LRRIQ4: variants seen among roughly 807,000 people sequenced by gnomAD.
The protein encoded by LRRIQ4 is leucine rich repeats and IQ motif containing 4, also known as leucine-rich repeat and IQ domain-containing protein 4.
LRRIQ4 carries 21 observed loss-of-function variants against 40.1 expected under a neutral mutation model. The observed-to-expected ratio is 0.52, with a 90% CI of 0.37 to 0.75. LRRIQ4 has a LOEUF of 0.75. Ranked by LOEUF, LRRIQ4 falls within the 30% of genes least tolerant of loss-of-function variation. LRRIQ4 has a pLI of 0.00. For synonymous variants in LRRIQ4, 277 were observed against 277.1 expected (o/e 1.00, Z 0.00); for missense variants, 655 against 660.0 (o/e 0.99, Z 0.08).
intron 4 of LRRIQ4, among the ~76,000 whole-genome samples, chr3:169,831,342 C>T (rs565606731): frequency 8.1e-6 from 1 of 123,152 alleles, no homozygotes; most frequent in East Asian, 2.4e-4. Flanking sequence ...GGCGTGATCT[C>T]GGCTCCCTGC....
Position 169,822,433 on chromosome 3 carries a change from A to G in LRRIQ4, c.512A>G (p.Tyr171Cys), listed in dbSNP as rs758498477. The G allele has an allele frequency of 6.8e-6, 11 of 1,613,744 alleles. No individual in the cohort carries two copies. In the East Asian group the frequency reaches 2.2e-4, roughly 33 times the overall value. The change falls in exon 2 of 6, where the codon TAC (tyrosine) becomes TGC (cysteine). Residue 171 changes from tyrosine (Y) to cysteine (C), a missense_variant. Coordinates refer to ENST00000340806, the MANE Select transcript of LRRIQ4 (RefSeq NM_001080460.3). ...IVNQTKLREI[Y>C]LKRNQFEVFP... Reference sequence around the variant, plus strand: ...AACCAGACCAAGCTGAGGGAGATCTACCTGAAGCGAAACCAGTTTGAAGTT... The same window carrying G: ...AACCAGACCAAGCTGAGGGAGATCTGCCTGAAGCGAAACCAGTTTGAAGTT...
At position 169,822,143 on chromosome 3, in the gene LRRIQ4, G is replaced by T; in HGVS notation, c.222G>T (p.Arg74Ser). 6.2e-7 allele frequency: 1 copy of T among 1,612,978 alleles called. No individual in the cohort carries two copies. Residue 74 changes from arginine (R) to serine (S), a missense_variant, in exon 2 of 6, where the codon AGG becomes AGT. Transcript: ENST00000340806. The stretch of plus-strand genomic sequence containing the variant: ...AGATTCAGCGTTTAAAGAACATCAG[G>T]GTCCTCTACCTGGATAAGAACAACC... The part of the protein sequence containing the change: ...PQEIQRLKNI[R>S]VLYLDKNNLR...
chr3:169,829,098 C>T (rs888405417), intron 3 of LRRIQ4, among the ~76,000 whole-genome samples, 166 bp downstream of exon 3: 5 of 151,828 alleles, frequency 3.3e-5, no homozygotes, highest in African/African-American at 1.2e-4. Context: ...TTCCACTGTC[C>T]GTGAACAACT....
chr3:169,826,879 C>G (rs1274442692), intron 2 of LRRIQ4, among the ~76,000 whole-genome samples: 2 of 152,144 alleles, frequency 1.3e-5, no homozygotes, highest in East Asian at 1.9e-4. Flanking sequence ...AACTGGAAAA[C>G]TGTTACAGCA....
chr3:169,814,088 G>A (rs554700618), intron 1 of LRRIQ4, among the ~76,000 whole-genome samples: 1 of 152,300 alleles, frequency 6.6e-6, no homozygotes, highest in Admixed American at 6.5e-5. Context: ...CAAGGACAGA[G>A]GGCTTTCTGT....
rs149751676 is a variant in LRRIQ4 at position 169,822,803 on chromosome 3, G to C, written c.882G>C (p.Arg294Ser). 1,823 of 1,613,756 alleles carry C rather than the reference G, an allele frequency of 1.1e-3. 2 individuals are homozygous for C. Among genetic ancestry groups the C allele is most frequent in the Admixed American group, 1.5e-3 (87 of 59,996 alleles). ...LLYLGNTGLH[R>S]LRGSFRCLVN... Reference sequence around the variant, plus strand: ...ACCTGGGAAACACCGGCCTGCACAGGCTGCGGGGCTCCTTCAGGTGCCTGG... The same window carrying C: ...ACCTGGGAAACACCGGCCTGCACAGCCTGCGGGGCTCCTTCAGGTGCCTGG... The change falls in exon 2 of 6, where the codon AGG becomes AGC. Residue 294 changes from arginine (R) to serine (S), a missense_variant. By Grantham distance (110) the Arg-to-Ser change is moderately radical (BLOSUM62 -1). Transcript: ENST00000340806.
At chr3:169,832,207 C>T (rs1396186342) in intron 4 of LRRIQ4, among the ~76,000 whole-genome samples, 3 of 152,038 alleles carry the variant, frequency 2.0e-5, no homozygotes, top group Non-Finnish European at 4.4e-5. Context: ...CGGTGGCTCA[C>T]GCCTGTAATT....
chr3:169,829,490 G>GGT (rs1780114103), intron 3 of LRRIQ4, among the ~76,000 whole-genome samples: 1 of 144,864 alleles, frequency 6.9e-6, no homozygotes, highest in African/African-American at 2.6e-5. Flanking sequence ...TTAAAGAACT[G>GGT]TTTTTTTTTT....
At chr3:169,813,435 T>C (rs926271733) in intron 1 of LRRIQ4, among the ~76,000 whole-genome samples, 4 of 152,190 alleles carry the variant, frequency 2.6e-5, no homozygotes, top group Admixed American at 6.5e-5. Flanking sequence ...GTAAGTTTCA[T>C]TTCCTTGATA....
Position 169,822,839 on chromosome 3 carries a change from C to T in LRRIQ4, c.918C>T (p.Arg306=). 1 of 1,613,192 alleles carries T rather than the reference C, an allele frequency of 6.2e-7. No homozygotes were observed. The highest frequency in any genetic ancestry group is 8.5e-7 in the Non-Finnish European group (1 of 1,179,526). The stretch of plus-strand genomic sequence containing the variant: ...CCTTCAGGTGCCTGGTCAACTTGCG[C>T]TTCCTGGACCTAAGCCAGAACCATC... The part of the protein sequence containing the change: ...RGSFRCLVNL[R]FLDLSQNHLH... The change falls in exon 2 of 6, where the codon CGC becomes CGT. Residue 306 remains arginine (R), a synonymous_variant. Transcript: ENST00000340806.
intron 1 of LRRIQ4, among the ~76,000 whole-genome samples, chr3:169,815,988 C>T (rs1434319965): frequency 1.3e-5 from 2 of 152,100 alleles, no homozygotes; most frequent in Non-Finnish European, 2.9e-5. Flanking sequence ...AAGATGAATG[C>T]CACTTGGTCA....
chr3:169,833,254 T>C (rs1420661528), intron 5 of LRRIQ4, 71 bp downstream of exon 5: 2 of 1,325,934 alleles, frequency 1.5e-6, no homozygotes, highest in Non-Finnish European at 2.1e-6. Flanking sequence ...GTACAGATTA[T>C]CCTACGGAGC....
At chr3:169,836,795 C>G (rs887890588) in intron 5 of LRRIQ4, among the ~76,000 whole-genome samples, 6 of 152,140 alleles carry the variant, frequency 3.9e-5, no homozygotes, top group African/African-American at 1.2e-4. Flanking sequence ...GGCCCTGAGT[C>G]ACAACTGTGC....
intron 1 of LRRIQ4, among the ~76,000 whole-genome samples, chr3:169,816,941 G>C (rs891202302): frequency 5.9e-5 from 9 of 152,108 alleles, no homozygotes; most frequent in Non-Finnish European, 8.8e-5. Flanking sequence ...AAAGTGCTGG[G>C]ATTACAGGCG....
rs1440407467 is a variant in LRRIQ4, at chr3:169,837,420, C to T, written c.1531-59C>T. 19 of 1,528,852 alleles carry T rather than the reference C, an allele frequency of 1.2e-5. No homozygotes were observed. In the South Asian group the frequency reaches 2.2e-4, roughly 17 times the overall value. 94.7% of individuals were successfully genotyped at this position (1,528,852 alleles called of 1,614,324 possible). ...CATGTATCAGAATAAAGAGATTTAA[C>T]AATTTCCAGTTCATTGTGATACCAG... On this transcript the variant is annotated intron_variant, in intron 5 of 5. Coordinates refer to ENST00000340806, the MANE Select transcript of LRRIQ4 (RefSeq NM_001080460.3).
chr3:169,820,612 C>T (rs1779866129), intron 1 of LRRIQ4, among the ~76,000 whole-genome samples: 1 of 148,346 alleles, frequency 6.7e-6, no homozygotes, highest in Non-Finnish European at 1.5e-5. Context: ...TCTCGGCTTA[C>T]TGCAAGCTCC....
intron 3 of LRRIQ4, 83 bp from the exon 4 acceptor site, chr3:169,830,409 A>AAAAAAAAAAAAAAAAT: frequency 5.9e-6 from 3 of 508,540 alleles, no homozygotes; most frequent in Non-Finnish European, 5.8e-6. Flanking sequence ...AAAAAAAAAA[A>AAAAAAAAAAAAAAAAT]TGCATGAGCA....
rs750864248 is a variant in LRRIQ4 at position 169,831,440 on chromosome 3, A to ATTTTT, written c.1333+849_1333+853dup. On this transcript the variant is annotated intron_variant, in intron 4 of 5. Transcript: ENST00000340806. ...AGGCGCCCGCCACCACGCCCGGCTA[A>ATTTTT]TTTTTTTTTTTTTTTTTTTTTTTTT... 1.1e-3 allele frequency among the ~76,000 whole-genome samples: 31 copies of ATTTTT among 29,430 alleles called. 8 individuals carry two copies. The highest frequency in any genetic ancestry group is 2.7e-3 in the African/African-American group (21 of 7,808). The allele number at this position is 29,430 out of a possible 152,430, so 19.3% of individuals were successfully genotyped here.
rs545152358 is a variant in LRRIQ4 at position 169,833,097 on chromosome 3, C to A, written c.1444C>A (p.Pro482Thr). The change falls in exon 5 of 6, where the codon CCC becomes ACC. Residue 482 changes from proline to threonine, a missense_variant. Transcript: ENST00000340806. Reference sequence around the variant, plus strand: ...ACTGATGGACAATCCCATGGAAGAACCCCCAAAAGAAGTGTGTGCTGAAGG... The same window carrying A: ...ACTGATGGACAATCCCATGGAAGAAACCCCAAAAGAAGTGTGTGCTGAAGG... Reference protein sequence around the residue: ...LTLMDNPMEEPPKEVCAEGNE... With the variant: ...LTLMDNPMEETPKEVCAEGNE... 10 of 1,613,912 alleles carry A rather than the reference C, an allele frequency of 6.2e-6. No homozygotes were observed. The South Asian group carries it at 9.9e-5, about 16-fold the overall frequency.
Sources: gnomAD v4.1 joint callset for allele counts (sites outside exome capture counted in the v4.1 genomes callset) on GRCh38, gnomAD v4.1.1 for gene constraint, MANE v1.5 for transcripts, NCBI Gene and HGNC (gene_info 2026-07-23, HGNC 2026-07-21) for gene names.